Variants in RIPOR1 observed in about 807,000 individuals in gnomAD.
RIPOR1 encodes rho family-interacting cell polarization regulator 1.
RIPOR1 carries 58 observed loss-of-function variants against 116.5 expected under a neutral mutation model. The observed-to-expected ratio is 0.50, with a 90% CI of 0.40 to 0.62. The LOEUF (loss-of-function observed/expected upper bound fraction) is 0.62, where lower values mean the gene tolerates loss of function less well. Among genes scored for constraint, RIPOR1 ranks in the 20% least tolerant of loss-of-function variants. RIPOR1 has a pLI of 0.00. For synonymous variants in RIPOR1, 605 were observed against 650.0 expected, an observed-to-expected ratio of 0.93 and a Z score of 1.05; for missense variants, 1,372 against 1,586.2, an observed-to-expected ratio of 0.86 and a Z score of 2.29.
Position 67,541,321 on chromosome 16 carries a change from C to T in RIPOR1, c.802-109C>T, listed in dbSNP as rs1267974658. The T allele has an allele frequency of 1.6e-6, 2 of 1,270,264 alleles. No homozygotes were observed. The highest frequency in any genetic ancestry group is 1.5e-5 in the African/African-American group (1 of 66,920). The allele number at this position is 1,270,264 out of a possible 1,614,324, so 78.7% of individuals were successfully genotyped here. On this transcript the variant is annotated intron_variant, in intron 10 of 21. Coordinates refer to ENST00000042381, the MANE Select transcript of RIPOR1 (RefSeq NM_024519.4). This position sits in a 1 kb window ranked among gnomAD's most constrained non-coding sequence, Gnocchi z 4.6. ...CTGGCCTTAAGTGATCCTCCTGCCT[C>T]AGCCTCCCATGACCATTTTATAAGT... is the stretch of plus-strand genomic sequence containing the variant.
Position 67,538,754 on chromosome 16 carries a change from C to T in RIPOR1, c.187C>T (p.His63Tyr). Residue 63 changes from histidine (H) to tyrosine (Y), a missense_variant, in exon 3 of 22, where the codon CAC becomes TAC. Transcript: ENST00000042381. ...AGTGTCCAGGATGTTTTCCGTGGCT[C>T]ACCCAGCCGCCAAGGTGCCGCAGCC... ...SRVSRMFSVAHPAAKVPQPER... is the reference protein window; with the variant it reads ...SRVSRMFSVAYPAAKVPQPER... The T allele has an allele frequency of 6.2e-7, 1 of 1,613,470 alleles. No individual in the cohort carries two copies. Among genetic ancestry groups the T allele is most frequent in the Non-Finnish European group, 8.5e-7 (1 of 1,179,946 alleles).
Position 67,540,412 on chromosome 16 carries a change from A to C in RIPOR1, c.632-46A>C, listed in dbSNP as rs1567571103. ...GGGGGCTGGAGGGAGTATGCTGAAG[A>C]ACCCCAATATGGCTCACCGACTTCT... On this transcript the variant is annotated intron_variant, in intron 8 of 21. Coordinates refer to ENST00000042381, the MANE Select transcript of RIPOR1 (RefSeq NM_024519.4). The surrounding 1 kb of genome is among the most constrained non-coding windows in gnomAD (Gnocchi z 4.7). 6.2e-7 allele frequency: 1 copy of C among 1,614,164 alleles called. No individual in the cohort carries two copies. The highest frequency in any genetic ancestry group is 8.5e-7 in the Non-Finnish European group (1 of 1,180,018).
In RIPOR1 at chr16:67,542,822, C is replaced by T; in HGVS notation, c.2036C>T (p.Ser679Phe). The part of the protein sequence containing the change: ...TSPILINVSP[S>F]TSLELATLSS... ...CCCATCCTTATAAATGTAAGCCCTTCCACTTCTCTAGAACTTGCTACCCTC... is the reference window on the plus strand; with the variant it reads ...CCCATCCTTATAAATGTAAGCCCTTTCACTTCTCTAGAACTTGCTACCCTC... Residue 679 changes from serine to phenylalanine, a missense_variant, in exon 13 of 22, where the codon TCC (serine) becomes TTC (phenylalanine). By Grantham distance (155) the Ser-to-Phe change is radical (BLOSUM62 -2). Transcript: ENST00000042381. The surrounding 1 kb of genome is among the most constrained non-coding windows in gnomAD (Gnocchi z 4.6). 2.5e-6 allele frequency: 4 copies of T among 1,613,974 alleles called. No homozygotes were observed. The highest frequency in any genetic ancestry group is 1.1e-5 in the South Asian group (1 of 91,080).
Position 67,545,709 on chromosome 16 carries a change from T to C in RIPOR1, c.3236T>C (p.Leu1079Pro). The change falls in exon 19 of 22, where the codon CTG becomes CCG. Residue 1079 changes from leucine (L) to proline (P), a missense_variant. By Grantham distance (98) the Leu-to-Pro change is moderately conservative. Coordinates refer to ENST00000042381, the MANE Select transcript of RIPOR1 (RefSeq NM_024519.4). The surrounding 1 kb of genome is among the most constrained non-coding windows in gnomAD (Gnocchi z 4.8). The stretch of plus-strand genomic sequence containing the variant: ...AACTCGGATGATCAGGCTGTTGTGC[T>C]GAAGGCCCTGAGATTGGCGCCCGAG... ...NLNSDDQAVVLKALRLAPEGR... is the reference protein window; with the variant it reads ...NLNSDDQAVVPKALRLAPEGR... 1.3e-6 allele frequency: 2 copies of C among 1,592,290 alleles called. No homozygotes were observed. Among genetic ancestry groups the C allele is most frequent in the Non-Finnish European group, 1.7e-6 (2 of 1,170,038 alleles).
In RIPOR1 at chr16:67,543,644, C is replaced by A; in HGVS notation, c.2600+175C>A. On this transcript the variant is annotated intron_variant, in intron 14 of 21. Transcript: ENST00000042381. This position sits in a 1 kb window ranked among gnomAD's most constrained non-coding sequence, Gnocchi z 4.7. Reference sequence around the variant, plus strand: ...CTGGCAGGTGCACCTGTGTCCACCCCTCCCATGTCCTTCATGCCCATGTCT... The same window carrying A: ...CTGGCAGGTGCACCTGTGTCCACCCATCCCATGTCCTTCATGCCCATGTCT... 1 of 810,954 alleles carries A rather than the reference C, an allele frequency of 1.2e-6. No homozygotes were observed. Among genetic ancestry groups the A allele is most frequent in the Non-Finnish European group, 2.0e-6 (1 of 511,292 alleles). 50.2% of individuals were successfully genotyped at this position (810,954 alleles called of 1,614,324 possible).
Position 67,543,147 on chromosome 16 carries a change from C to G in RIPOR1, c.2361C>G (p.Asp787Glu). ...PVPTAAGGSGDRSLEEALGAL... is the reference protein window; with the variant it reads ...PVPTAAGGSGERSLEEALGAL... ...CAACGGCAGCCGGAGGGTCTGGGGA[C>G]AGGAGCCTGGAGGAGGCACTGGGGG... The change falls in exon 13 of 22, where the codon GAC (aspartate) becomes GAG (glutamate). Residue 787 changes from aspartate (D) to glutamate (E), a missense_variant. This residue lies in a region of RIPOR1 where 1,005 missense variants were observed against 1,144.7 expected (regional missense o/e 0.88). Transcript: ENST00000042381. The surrounding 1 kb of genome is among the most constrained non-coding windows in gnomAD (Gnocchi z 4.7). 1 of 1,532,538 alleles carries G rather than the reference C, an allele frequency of 6.5e-7. No individual in the cohort carries two copies. Among genetic ancestry groups the G allele is most frequent in the Non-Finnish European group, 8.8e-7 (1 of 1,141,476 alleles). 94.9% of individuals were successfully genotyped at this position (1,532,538 alleles called of 1,614,324 possible).
Position 67,545,585 on chromosome 16 carries a change from G to A in RIPOR1, c.3190+51G>A, listed in dbSNP as rs1221277528. ...GTGGCCTCTTGGGGTCTGAGGACAT[G>A]AGGACAAGCCCTCCCCAACCTCGGG... On this transcript the variant is annotated intron_variant, in intron 18 of 21. Coordinates refer to ENST00000042381, the MANE Select transcript of RIPOR1 (RefSeq NM_024519.4). The surrounding 1 kb of genome is among the most constrained non-coding windows in gnomAD (Gnocchi z 4.8). 2 of 1,603,856 alleles carry A rather than the reference G, an allele frequency of 1.2e-6. No individual in the cohort carries two copies. The highest frequency in any genetic ancestry group is 2.7e-5 in the African/African-American group (2 of 74,714).
At chr16:67,521,269 A>C (rs572947078) in intron 1 of RIPOR1, among the ~76,000 whole-genome samples, 11 of 151,996 alleles carry the variant, frequency 7.2e-5, no homozygotes, top group Non-Finnish European at 5.9e-5. Flanking sequence ...CCAAAGACCA[A>C]CTTTACTTCT....
At chr16:67,527,094 G>T (rs922781032), upstream of RIPOR1, among the ~76,000 whole-genome samples, 2 of 152,176 alleles carry the variant, frequency 1.3e-5, no homozygotes, top group African/African-American at 4.8e-5. Context: ...GAAGAACTCA[G>T]CCCCTGGAAG....
upstream of RIPOR1, among the ~76,000 whole-genome samples, chr16:67,526,931 G>A (rs2050544712): frequency 1.3e-5 from 2 of 152,226 alleles, no homozygotes; most frequent in African/African-American, 4.8e-5. Context: ...TAGGGATGGG[G>A]ACAATGCTGA....
In RIPOR1 at chr16:67,538,520, G is replaced by A. The variant is rs1384468332; in HGVS notation, c.74G>A (p.Gly25Asp). The change falls in exon 2 of 22, where the codon GGC (glycine) becomes GAC (aspartate). Residue 25 changes from glycine (G) to aspartate (D), a missense_variant. Coordinates refer to ENST00000042381, the MANE Select transcript of RIPOR1 (RefSeq NM_024519.4). Reference protein sequence around the residue: ...ARVNRSQSFAGVLGSHERGPR... With the variant: ...ARVNRSQSFADVLGSHERGPR... ...GTCAATAGGAGCCAGTCCTTCGCAG[G>A]CGTCCTCGGCAGCCACGAGCGGGGG... is the stretch of plus-strand genomic sequence containing the variant. The A allele has an allele frequency of 3.1e-6, 5 of 1,612,142 alleles. No homozygotes were observed. The Admixed American group carries it at 8.3e-5, about 27-fold the overall frequency.
chr16:67,538,314 G>A (rs1391154333), intron 1 of RIPOR1, 110 bp from the exon 2 acceptor site: 10 of 1,406,346 alleles, frequency 7.1e-6, no homozygotes, highest in Non-Finnish European at 9.5e-6. Flanking sequence ...AGCCCGCTGG[G>A]GCAGCTGTGC....
In RIPOR1 at chr16:67,537,179, C is replaced by T. The variant is rs922052210; in HGVS notation, c.-23-1245C>T. On this transcript the variant is annotated intron_variant, in intron 1 of 21. Transcript: ENST00000042381. This position sits in a 1 kb window ranked among gnomAD's most constrained non-coding sequence, Gnocchi z 4.6. ...CCGCCCGCCTCGGCCTCCCAAAGTG[C>T]TGAGATTACAGGCGTGAGCCACTGT... 4.6e-5 allele frequency among the ~76,000 whole-genome samples: 7 copies of T among 152,206 alleles called. No individual in the cohort carries two copies. The highest frequency in any genetic ancestry group is 1.2e-4 in the African/African-American group (5 of 41,460).
In RIPOR1 at chr16:67,542,537, C is replaced by T; in HGVS notation, c.1751C>T (p.Thr584Ile). The change falls in exon 13 of 22, where the codon ACT (threonine) becomes ATT (isoleucine). Residue 584 changes from threonine to isoleucine, a missense_variant. By Grantham distance (89) the Thr-to-Ile change is moderately conservative. Around this residue, in one of 3 missense-constraint regions of RIPOR1, gnomAD observed 1,005 missense variants for 1,144.7 expected, o/e 0.88. Coordinates refer to ENST00000042381, the MANE Select transcript of RIPOR1 (RefSeq NM_024519.4). This position sits in a 1 kb window ranked among gnomAD's most constrained non-coding sequence, Gnocchi z 4.6. ...AAGCCCATAATCTCTACCCTTACTA[C>T]TACAGGCCCTACCCTCAATATCATA... ...THKPIISTLT[T>I]TGPTLNIIGP... The T allele has an allele frequency of 1.2e-6, 2 of 1,613,970 alleles. No homozygotes were observed. The highest frequency in any genetic ancestry group is 1.7e-6 in the Non-Finnish European group (2 of 1,179,958).
At position 67,538,235 on chromosome 16, in the gene RIPOR1, G is replaced by A. The variant is rs113891100; in HGVS notation, c.-23-189G>A. The A allele has an allele frequency of 3.3e-3, 2,025 of 618,050 alleles. 36 individuals carry two copies. The African/African-American group carries it at 0.033, about 10-fold the overall frequency. 38.3% of individuals were successfully genotyped at this position (618,050 alleles called of 1,614,324 possible). A position where few individuals can be genotyped will look rare whatever the true frequency, so the allele number is the denominator to read the frequency against. ...GCCGAGCCGAGGCCACGCTGAGTCC[G>A]AGGCCGAGTCGCCTGCGGCTGTCCT... On this transcript the variant is annotated intron_variant, in intron 1 of 21. Coordinates refer to ENST00000042381, the MANE Select transcript of RIPOR1 (RefSeq NM_024519.4).
chr16:67,525,613 G>A (rs1338663729), upstream of RIPOR1, among the ~76,000 whole-genome samples: 2 of 152,106 alleles, frequency 1.3e-5, no homozygotes, highest in Non-Finnish European at 2.9e-5. Flanking sequence ...TGAGGACTGG[G>A]GGTTCATTGC....
At position 67,542,515 on chromosome 16, in the gene RIPOR1, C is replaced by T. The variant is rs756257566; in HGVS notation, c.1729C>T (p.Pro577Ser). The change falls in exon 13 of 22, where the codon CCC becomes TCC. Residue 577 changes from proline to serine, a missense_variant. Coordinates refer to ENST00000042381, the MANE Select transcript of RIPOR1 (RefSeq NM_024519.4). This position sits in a 1 kb window ranked among gnomAD's most constrained non-coding sequence, Gnocchi z 4.6. ...CACTACTACAGGCTCCACCCACAAG[C>T]CCATAATCTCTACCCTTACTACTAC... ...THTTTGSTHK[P>S]IISTLTTTGP... 2.4e-5 allele frequency: 39 copies of T among 1,613,814 alleles called. No individual in the cohort carries two copies. In the South Asian group the frequency reaches 3.4e-4, roughly 14 times the overall value.
intron 1 of RIPOR1, among the ~76,000 whole-genome samples, chr16:67,522,191 ATTTTTTTTTTTTT>A (rs34835336): frequency 1.4e-4 from 10 of 71,338 alleles, no homozygotes; most frequent in South Asian, 4.8e-4. Context: ...CCACGCCCAG[ATTTTTTTTTTTTT>A]TTTTTTTTTT....
At chr16:67,538,898 C>T (rs2050888022) in intron 3 of RIPOR1, 74 bp downstream of exon 3, 1 of 1,609,380 alleles carries the variant, frequency 6.2e-7, no homozygotes, top group Non-Finnish European at 8.5e-7. Flanking sequence ...CAGGAACCTT[C>T]TCCAGCCCCA....
Sources: gnomAD v4.1 joint callset for allele counts (sites outside exome capture counted in the v4.1 genomes callset) on GRCh38, gnomAD v4.1.1 for gene constraint, gnomAD v4.1.1 regional missense constraint, Gnocchi (gnomAD v3.1) non-coding constraint, MANE v1.5 for transcripts, NCBI Gene and HGNC (gene_info 2026-07-23, HGNC 2026-07-21) for gene names.